The following TRIM64C variants were observed in gnomAD, a reference collection of about 807,000 sequenced individuals.
The protein encoded by TRIM64C is tripartite motif-containing protein 64C.
Under a neutral mutation model 36.1 loss-of-function variants are expected in TRIM64C, and 25 were observed. The observed-to-expected ratio is 0.69, with a 90% CI of 0.51 to 0.97. The LOEUF (loss-of-function observed/expected upper bound fraction) is 0.97. Ranked by LOEUF, TRIM64C falls within the 50% of genes least tolerant of loss-of-function variation. The pLI is 0.00. For synonymous variants in TRIM64C, 212 were observed against 185.7 expected (o/e 1.14, Z -1.15); for missense variants, 489 against 536.8 (o/e 0.91, Z 0.88).
In TRIM64C at chr11:49,057,235, C is replaced by T. The variant is rs1565098223; in HGVS notation, c.651G>A (p.Val217=). The stretch of plus-strand genomic sequence containing the variant: ...TCCCTTCTAAATGTTGGGTCATTCT[C>T]ACTTGACTGTCTTGTAGTTGTTGGA... ...ELFQQLQDSQ[V]RMTQHLEGMK... The change falls in exon 3 of 6, where the codon GTG becomes GTA. Residue 217 remains valine (V), a synonymous_variant. Coordinates refer to ENST00000617704, the MANE Select transcript of TRIM64C (RefSeq NM_001206631.1). 1.3e-6 allele frequency: 2 copies of T among 1,549,768 alleles called. No individual in the cohort carries two copies. Among genetic ancestry groups the T allele is most frequent in the Non-Finnish European group, 1.7e-6 (2 of 1,146,960 alleles).
At chr11:49,058,224 C>T (rs1343208023) in intron 1 of TRIM64C, 52 bp from the exon 2 acceptor site, 1 of 1,204,486 alleles carries the variant, frequency 8.3e-7, no homozygotes, top group Non-Finnish European at 1.1e-6. Context: ...AGATCTTATC[C>T]CTTTATCAAT....
Position 49,058,993 on chromosome 11 carries a change from G to A in TRIM64C, c.120C>T (p.Cys40=), listed in dbSNP as rs1264351520. 4.5e-6 allele frequency: 7 copies of A among 1,551,394 alleles called. No homozygotes were observed. The Admixed American group carries it at 5.9e-5, about 13-fold the overall frequency. Reference sequence around the variant, plus strand: ...GTGCTCTGCCTTCTTCTGAGCAGAGGCAGAGGCAGGGCCTGCAAAAGCTGT... The same window carrying A: ...GTGCTCTGCCTTCTTCTGAGCAGAGACAGAGGCAGGGCCTGCAAAAGCTGT... ...CVHSFCRPCL[C]LCSEEGRAPM... is the part of the protein sequence containing the mutation. Residue 40 remains cysteine, a synonymous_variant, in exon 1 of 6, where the codon TGC becomes TGT. Coordinates refer to ENST00000617704, the MANE Select transcript of TRIM64C (RefSeq NM_001206631.1).
intron 1 of TRIM64C, 24 bp from the exon 2 acceptor site, chr11:49,058,196 A>T: frequency 7.1e-7 from 1 of 1,416,822 alleles, no homozygotes; most frequent in Non-Finnish European, 9.6e-7. Flanking sequence ...CAAGAAGCTT[A>T]GCAATGATGA....
At position 49,053,919 on chromosome 11, in the gene TRIM64C, G is replaced by A. The variant is rs541434423; in HGVS notation, c.1148C>T (p.Thr383Met). The A allele has an allele frequency of 8.9e-5, 138 of 1,551,570 alleles. 1 individual carries two copies. Among genetic ancestry groups the A allele is most frequent in the South Asian group, 8.7e-4 (73 of 84,054 alleles). Residue 383 changes from threonine to methionine, a missense_variant, in exon 6 of 6, where the codon ACG becomes ATG. Coordinates refer to ENST00000617704, the MANE Select transcript of TRIM64C (RefSeq NM_001206631.1). The stretch of plus-strand genomic sequence containing the variant: ...GGTGGAGAGACTATAGTGATTGCTC[G>A]TCTTTGAAGAAATTGAAAAAAATGT... ...DKTFFSISSK[T>M]SNHYSLSTNS...
chr11:49,056,408 A>G (rs1170258702), intron 3 of TRIM64C, 27 bp from the exon 4 acceptor site: 3 of 1,526,756 alleles, frequency 2.0e-6, no homozygotes, highest in African/African-American at 2.8e-5. Context: ...ATGTAATGTT[A>G]ATTATGAGAG....
chr11:49,056,678 C>T (rs1273617528), intron 3 of TRIM64C, among the ~76,000 whole-genome samples: 1 of 151,870 alleles, frequency 6.6e-6, no homozygotes, highest in Non-Finnish European at 1.5e-5. Flanking sequence ...TCTGACCACA[C>T]ATGACAACTA....
In TRIM64C at chr11:49,053,715, C is replaced by T; in HGVS notation, c.1352G>A (p.Ter451=). 6.5e-7 allele frequency: 1 copy of T among 1,548,588 alleles called. No homozygotes were observed. The highest frequency in any genetic ancestry group is 8.7e-7 in the Non-Finnish European group (1 of 1,146,692). The change falls in exon 6 of 6, where the codon TGA becomes TAA. Residue 451 remains the stop codon, a stop_retained_variant. Coordinates refer to ENST00000617704, the MANE Select transcript of TRIM64C (RefSeq NM_001206631.1). Reference sequence around the variant, plus strand: ...ATAAATCATCATGAAACCAACTTTTCATGTACAACCAAAGCAAAAGAAAGG... The same window carrying T: ...ATAAATCATCATGAAACCAACTTTTTATGTACAACCAAAGCAAAAGAAAGG... ...LRPFFCFGCT[*]
chr11:49,057,201 T>C lies in TRIM64C; in HGVS notation c.685A>G (p.Met229Val). ...MTQHLEGMKDMYRELWETYHM... is the reference protein window; with the variant it reads ...MTQHLEGMKDVYRELWETYHM... Reference sequence around the variant, plus strand: ...TATGTCTCCCACAGCTCTCTGTACATGTCTTTCATCCCTTCTAAATGTTGG... The same window carrying C: ...TATGTCTCCCACAGCTCTCTGTACACGTCTTTCATCCCTTCTAAATGTTGG... Residue 229 changes from methionine (M) to valine (V), a missense_variant, in exon 3 of 6, where the codon ATG (methionine) becomes GTG (valine). Coordinates refer to ENST00000617704, the MANE Select transcript of TRIM64C (RefSeq NM_001206631.1). 3 of 1,549,674 alleles carry C rather than the reference T, an allele frequency of 1.9e-6. No individual in the cohort carries two copies. Among genetic ancestry groups the C allele is most frequent in the Non-Finnish European group, 1.7e-6 (2 of 1,146,950 alleles).
At chr11:49,054,248 G>T in intron 5 of TRIM64C, 41 bp from the exon 6 acceptor site, 1 of 1,526,468 alleles carries the variant, frequency 6.6e-7, no homozygotes, top group Non-Finnish European at 8.8e-7. Context: ...TGCTATGAGG[G>T]ACAGAGGCTC....
At position 49,053,794 on chromosome 11, in the gene TRIM64C, T is replaced by C. The variant is rs1282351737; in HGVS notation, c.1273A>G (p.Lys425Glu). The change falls in exon 6 of 6, where the codon AAA becomes GAA. Residue 425 changes from lysine (K) to glutamate (E), a missense_variant. Coordinates refer to ENST00000617704, the MANE Select transcript of TRIM64C (RefSeq NM_001206631.1). ...GGAAAACCATAGATAAGAGAACCTT[T>C]AGAAACATCAAAAAAACTCACAGAT... ...NGSVSFFDVS[K>E]GSLIYGFPPS... is the part of the protein sequence containing the mutation. 1.2e-5 allele frequency: 19 copies of C among 1,551,360 alleles called. No homozygotes were observed. The highest frequency in any genetic ancestry group is 1.7e-5 in the Non-Finnish European group (19 of 1,146,818).
chr11:49,058,049 AAAACAAAGG>A lies in TRIM64C; in HGVS notation c.507+20_507+28del, dbSNP rs1418831870. The A allele has an allele frequency of 6.9e-7, 1 of 1,444,630 alleles. No individual in the cohort carries two copies. Among genetic ancestry groups the A allele is most frequent in the Non-Finnish European group, 9.3e-7 (1 of 1,076,772 alleles). 89.5% of individuals were successfully genotyped at this position (1,444,630 alleles called of 1,614,324 possible). ...AGCCAACTTTGTGTTTATTTGCATAAAAACAAAGGAAACATTTTCATTCTTAACCACTAA... is the reference window on the plus strand; with the variant it reads ...AGCCAACTTTGTGTTTATTTGCATAAAAACATTTTCATTCTTAACCACTAA... On this transcript the variant is annotated intron_variant, in intron 2 of 5. Coordinates refer to ENST00000617704, the MANE Select transcript of TRIM64C (RefSeq NM_001206631.1).
chr11:49,054,765 C>T (rs1024351060), intron 5 of TRIM64C, among the ~76,000 whole-genome samples: 5 of 152,130 alleles, frequency 3.3e-5, no homozygotes, highest in Admixed American at 6.5e-5. Context: ...TAGAATGGGC[C>T]TAACATTGTT....
At position 49,053,724 on chromosome 11, in the gene TRIM64C, C is replaced by T. The variant is rs1487011678; in HGVS notation, c.1343G>A (p.Gly448Asp). The change falls in exon 6 of 6, where the codon GGT becomes GAT. Residue 448 changes from glycine to aspartate, a missense_variant. Coordinates refer to ENST00000617704, the MANE Select transcript of TRIM64C (RefSeq NM_001206631.1). The part of the protein sequence containing the change: ...SSPLRPFFCF[G>D]CT Reference sequence around the variant, plus strand: ...CATGAAACCAACTTTTCATGTACAACCAAAGCAAAAGAAAGGCCTCAGAGG... The same window carrying T: ...CATGAAACCAACTTTTCATGTACAATCAAAGCAAAAGAAAGGCCTCAGAGG... 1 of 1,549,258 alleles carries T rather than the reference C, an allele frequency of 6.5e-7. No homozygotes were observed. The highest frequency in any genetic ancestry group is 8.7e-7 in the Non-Finnish European group (1 of 1,146,770).
Position 49,053,902 on chromosome 11 carries a change from G to A in TRIM64C, c.1165C>T (p.Leu389Phe), listed in dbSNP as rs1565097328. The change falls in exon 6 of 6, where the codon CTC (leucine) becomes TTC (phenylalanine). Residue 389 changes from leucine (L) to phenylalanine (F), a missense_variant. By Grantham distance (22) the Leu-to-Phe change is conservative. Transcript: ENST00000617704. ...ATTAAAGGTGGAGAATTGGTGGAGA[G>A]ACTATAGTGATTGCTCGTCTTTGAA... ...ISSKTSNHYS[L>F]STNSPPLIQY... 4 of 1,551,570 alleles carry A rather than the reference G, an allele frequency of 2.6e-6. No individual in the cohort carries two copies. The East Asian group carries it at 7.3e-5, about 28-fold the overall frequency.
intron 2 of TRIM64C, 36 bp downstream of exon 2, chr11:49,058,042 T>C: frequency 1.4e-6 from 2 of 1,381,786 alleles, no homozygotes; most frequent in South Asian, 2.6e-5. Flanking sequence ...TTGTGTTTAT[T>C]TGCATAAAAA....
chr11:49,055,509 C>G (rs1389503117), intron 4 of TRIM64C, 102 bp from the exon 5 acceptor site: 2 of 1,464,392 alleles, frequency 1.4e-6, no homozygotes, highest in Non-Finnish European at 1.8e-6. Flanking sequence ...CCTCAGAATT[C>G]TGCCGGTTTT....
intron 3 of TRIM64C, among the ~76,000 whole-genome samples, chr11:49,056,599 G>A (rs939168954): frequency 1.3e-5 from 2 of 151,850 alleles, no homozygotes; most frequent in African/African-American, 2.4e-5. Flanking sequence ...AGCAAGAGAC[G>A]GTGGAGTAAA....
rs61886906 is a variant in TRIM64C, at chr11:49,054,069, G to T, written c.998C>A (p.Ala333Glu). The T allele has an allele frequency of 6.4e-7, 1 of 1,551,514 alleles. No individual in the cohort carries two copies. The highest frequency in any genetic ancestry group is 8.7e-7 in the Non-Finnish European group (1 of 1,146,844). ...QGVESFAVWC[A>E]QAFTSGKHYW... ...ATGCTTGCCGGAGGTGAATGCTTGC[G>T]CACACCACACAGCAAAGCTCTCCAC... is the stretch of plus-strand genomic sequence containing the variant. The change falls in exon 6 of 6, where the codon GCG becomes GAG. Residue 333 changes from alanine (A) to glutamate (E), a missense_variant. By Grantham distance (107) the Ala-to-Glu change is moderately radical. Transcript: ENST00000617704.
chr11:49,055,455 T>A, intron 4 of TRIM64C, 48 bp from the exon 5 acceptor site: 1 of 1,531,438 alleles, frequency 6.5e-7, no homozygotes, highest in East Asian at 2.4e-5. Context: ...CCAGAGCTAA[T>A]CACACAGTCA....
Sources: allele counts gnomAD v4.1 joint callset (sites outside exome capture counted in the v4.1 genomes callset), GRCh38; gene constraint gnomAD v4.1.1; transcripts MANE v1.5; gene names NCBI Gene and HGNC (gene_info 2026-07-23, HGNC 2026-07-21).